PI4KB: variants seen among roughly 807,000 people sequenced by gnomAD.
The protein encoded by PI4KB is PtdIns 4-kinase beta.
Under a neutral mutation model 81.4 loss-of-function variants are expected in PI4KB, and 23 were observed. The observed-to-expected ratio is 0.28, with a 90% CI of 0.20 to 0.40. The LOEUF (loss-of-function observed/expected upper bound fraction) is 0.40, where lower values mean the gene tolerates loss of function less well. Among genes scored for constraint, PI4KB ranks in the 10% least tolerant of loss-of-function variants. The pLI is 1.00. For missense variants in PI4KB, 651 were observed against 1,036.6 expected, an observed-to-expected ratio of 0.63 and a Z score of 5.11; for synonymous variants, 381 against 406.8, an observed-to-expected ratio of 0.94 and a Z score of 0.76.
intron 5 of PI4KB, 55 bp from the exon 6 acceptor site, chr1:151,303,705 C>A (rs587612223): frequency 8.3e-5 from 92 of 1,113,458 alleles, no homozygotes; most frequent in Middle Eastern, 6.2e-4. Context: ...TCCCGTCTTT[C>A]CCCTCCTGCT....
At chr1:151,296,986 A>C (rs997262989) in intron 9 of PI4KB, among the ~76,000 whole-genome samples, 1 of 152,074 alleles carries the variant, frequency 6.6e-6, no homozygotes, top group African/African-American at 2.4e-5. Context: ...CATGTTGGTC[A>C]GGCTGGTCTT....
intron 5 of PI4KB, among the ~76,000 whole-genome samples, chr1:151,305,257 C>A (rs1222381332): frequency 6.6e-6 from 1 of 152,144 alleles, no homozygotes; most frequent in South Asian, 2.1e-4. Flanking sequence ...TGAGCCACTG[C>A]GCCTGGCCAG....
At chr1:151,303,374 C>T in intron 6 of PI4KB, 167 bp downstream of exon 6, 1 of 650,850 alleles carries the variant, frequency 1.5e-6, no homozygotes, top group South Asian at 1.7e-5. Context: ...AATTTCTCAA[C>T]CTACACCTTC....
chr1:151,293,981 T>C, intron 11 of PI4KB, 37 bp downstream of exon 11: 2 of 1,612,672 alleles, frequency 1.2e-6, no homozygotes, highest in Non-Finnish European at 1.7e-6. Context: ...AGGGGAAGCC[T>C]GAGGCACTAT....
At chr1:151,293,138 C>A in intron 11 of PI4KB, 105 bp from the exon 12 acceptor site, 1 of 1,527,162 alleles carries the variant, frequency 6.5e-7, no homozygotes, top group East Asian at 2.3e-5. Flanking sequence ...CTTTTCCTCC[C>A]ACCTCAGGTC....
At chr1:151,300,023 C>T (rs766675029) in intron 8 of PI4KB, among the ~76,000 whole-genome samples, 2 of 152,086 alleles carry the variant, frequency 1.3e-5, no homozygotes, top group Non-Finnish European at 2.9e-5. Flanking sequence ...TTGGCAAAAA[C>T]GGGCAAGGAA....
intron 11 of PI4KB, chr1:151,293,407 C>G: frequency 2.3e-6 from 3 of 1,287,316 alleles, no homozygotes; most frequent in Non-Finnish European, 3.0e-6. Flanking sequence ...CACAGATGAC[C>G]TGGGCCACCG....
intron 11 of PI4KB, chr1:151,293,521 A>T: frequency 1.2e-6 from 1 of 816,552 alleles, no homozygotes; most frequent in Middle Eastern, 2.9e-4. Flanking sequence ...GACCTGGTAT[A>T]CACCTGGAGC....
At chr1:151,316,751 T>C (rs1210759603) in intron 1 of PI4KB, among the ~76,000 whole-genome samples, 1 of 152,254 alleles carries the variant, frequency 6.6e-6, no homozygotes, top group African/African-American at 2.4e-5. Context: ...GCCTCTGTTC[T>C]TAGCTTATAT....
intron 6 of PI4KB, among the ~76,000 whole-genome samples, chr1:151,302,577 CTTTT>C (rs144203698): frequency 9.0e-5 from 12 of 133,778 alleles, no homozygotes; most frequent in African/African-American, 2.5e-4. Context: ...CTTTTCTTTT[CTTTT>C]TTTTTTTTTT....
intron 1 of PI4KB, 45 bp downstream of exon 1, chr1:151,327,226 C>CCG (rs1557821623): frequency 4.8e-6 from 1 of 208,054 alleles, no homozygotes; most frequent in Admixed American, 6.1e-5. Flanking sequence ...ACCCCCCCCC[C>CCG]CACCCAACAG....
chr1:151,322,998 G>A (rs1396183479), intron 1 of PI4KB, among the ~76,000 whole-genome samples: 2 of 152,126 alleles, frequency 1.3e-5, no homozygotes, highest in Non-Finnish European at 2.9e-5. Context: ...ATGGAAAAAC[G>A]GGTAAGGAAA....
chr1:151,298,737 T>C (rs1695006873), intron 9 of PI4KB, 71 bp downstream of exon 9: 3 of 1,496,066 alleles, frequency 2.0e-6, no homozygotes, highest in South Asian at 1.2e-5. Flanking sequence ...TAATAAGTAA[T>C]TGAGAACTAC....
intron 1 of PI4KB, among the ~76,000 whole-genome samples, chr1:151,318,926 T>C (rs1419388074): frequency 6.6e-6 from 1 of 152,120 alleles, no homozygotes; most frequent in East Asian, 1.9e-4. Flanking sequence ...TCTGACATCA[T>C]GACATCACAC....
intron 1 of PI4KB, among the ~76,000 whole-genome samples, chr1:151,320,232 A>C (rs1231839353): frequency 1.3e-5 from 2 of 151,996 alleles, no homozygotes; most frequent in Non-Finnish European, 2.9e-5. Context: ...GCAGGGTTTC[A>C]CCATGTTAGC....
chr1:151,317,654 G>A (rs1648173065), intron 1 of PI4KB, among the ~76,000 whole-genome samples: 1 of 152,154 alleles, frequency 6.6e-6, no homozygotes, highest in Non-Finnish European at 1.5e-5. Context: ...AGCAAGTCAG[G>A]TGTTACTCCC....
Position 151,322,346 on chromosome 1 carries a change from T to C in PI4KB, c.-29+4925A>G, listed in dbSNP as rs578075358. On this transcript the variant is annotated intron_variant, in intron 1 of 11. Transcript: ENST00000368873. The stretch of plus-strand genomic sequence containing the variant: ...TGTGTGACTGAGCAGTTAAAATACA[T>C]GTCTGCAGAGGACTCTCTGGGGAGG... Among the ~76,000 whole-genome samples the C allele has an allele frequency of 7.2e-5, 11 of 152,338 alleles. No homozygotes were observed. The East Asian group carries it at 1.3e-3, about 19-fold the overall frequency.
At chr1:151,304,829 C>CA (rs1256150022) in intron 5 of PI4KB, among the ~76,000 whole-genome samples, 4 of 138,496 alleles carry the variant, frequency 2.9e-5, no homozygotes, top group Admixed American at 7.2e-5. Context: ...CCACACCTGG[C>CA]TTTTTTTTTT....
chr1:151,322,451 T>C (rs566572708), intron 1 of PI4KB, among the ~76,000 whole-genome samples: 1 of 152,302 alleles, frequency 6.6e-6, no homozygotes, highest in East Asian at 1.9e-4. Flanking sequence ...CTGGCCTCCA[T>C]TAAAGGACTT....
Sources: allele counts gnomAD v4.1 joint callset (sites outside exome capture counted in the v4.1 genomes callset), GRCh38; gene constraint gnomAD v4.1.1; transcripts MANE v1.5; gene names NCBI Gene and HGNC (gene_info 2026-07-23, HGNC 2026-07-21).